Variants in MSRA observed in about 807,000 individuals in gnomAD.
The protein encoded by MSRA is methionine sulfoxide reductase A.
Under a neutral mutation model 31.3 loss-of-function variants are expected in MSRA, and 54 were observed. The observed-to-expected ratio is 1.73, with a 90% confidence interval of 1.39 to 2.17. MSRA has a LOEUF of 2.17. Among genes scored for constraint, MSRA ranks in the 30% most tolerant of loss-of-function variants. MSRA has a pLI of 0.00. For synonymous variants in MSRA, 169 were observed against 116.5 expected (o/e 1.45, Z -2.90); for missense variants, 507 against 300.9 (o/e 1.69, Z -5.07).
At chr8:10,199,633 G>C (rs978407060) in intron 1 of MSRA, among the ~76,000 whole-genome samples, 2 of 152,116 alleles carry the variant, frequency 1.3e-5, no homozygotes, top group African/African-American at 4.8e-5. Flanking sequence ...TGCCATCCTA[G>C]GCTTGTAGTC....
intron 5 of MSRA, among the ~76,000 whole-genome samples, chr8:10,330,460 G>A (rs773349868): frequency 1.3e-5 from 2 of 152,078 alleles, no homozygotes; most frequent in Non-Finnish European, 1.5e-5. Context: ...GGCTGAAAAT[G>A]GCTTTTTCTC....
rs149413576 is a variant in MSRA at position 10,141,430 on chromosome 8, G to A, written c.143-66403G>A. ...ACCAGAAAGGAAAACGCACTCCAAT[G>A]CACAAGACATACATTGTCACCCACA... On this transcript the variant is annotated intron_variant, in intron 1 of 5. Transcript: ENST00000317173. 1.8e-3 allele frequency among the ~76,000 whole-genome samples: 268 copies of A among 152,278 alleles called. 1 individual carries two copies. The highest frequency in any genetic ancestry group is 6.1e-3 in the African/African-American group (253 of 41,538).
intron 4 of MSRA, among the ~76,000 whole-genome samples, chr8:10,315,641 G>A (rs1324920019): frequency 1.3e-5 from 2 of 152,210 alleles, no homozygotes; most frequent in Non-Finnish European, 2.9e-5. Flanking sequence ...GTAAATGTGT[G>A]TGCACATGTG....
In MSRA at chr8:10,155,104, G is replaced by A. The variant is rs1221729697; in HGVS notation, c.143-52729G>A. On this transcript the variant is annotated intron_variant, in intron 1 of 5. Transcript: ENST00000317173. ...AATTTTTTATTGTAAGCTTGCCAGA[G>A]TCCTAGATTTAAAAAGTTATACTCA... 2.0e-5 allele frequency among the ~76,000 whole-genome samples: 3 copies of A among 151,502 alleles called. 1 individual carries two copies. The highest frequency in any genetic ancestry group is 6.6e-5 in the Admixed American group (1 of 15,216).
intron 1 of MSRA, among the ~76,000 whole-genome samples, chr8:10,207,340 A>C (rs1205179878): frequency 6.6e-6 from 1 of 152,180 alleles, no homozygotes; most frequent in Non-Finnish European, 1.5e-5. Context: ...TACTGTACTG[A>C]AATGACATGT....
chr8:10,104,986 G>A (rs1585155996), intron 1 of MSRA, among the ~76,000 whole-genome samples: 1 of 152,158 alleles, frequency 6.6e-6, no homozygotes, highest in Non-Finnish European at 1.5e-5. Context: ...AATCTCATGG[G>A]CAAGGAATAT....
intron 5 of MSRA, among the ~76,000 whole-genome samples, chr8:10,369,183 TTAAG>T (rs1369323047): frequency 1.3e-5 from 2 of 152,084 alleles, no homozygotes; most frequent in Non-Finnish European, 2.9e-5. Context: ...CAATATTATA[TTAAG>T]TATTAAAAAC....
intron 1 of MSRA, among the ~76,000 whole-genome samples, chr8:10,146,686 T>A (rs1803171981): frequency 6.6e-6 from 1 of 152,116 alleles, no homozygotes; most frequent in Admixed American, 6.5e-5. Flanking sequence ...GGTATGTGAA[T>A]TATATCTCAG....
intron 5 of MSRA, among the ~76,000 whole-genome samples, chr8:10,387,541 A>C (rs1219303102): frequency 6.6e-6 from 1 of 152,212 alleles, no homozygotes; most frequent in African/African-American, 2.4e-5. Context: ...TCTTAGGAGA[A>C]ATGAATGAGC....
chr8:10,285,595 C>T (rs115973448), intron 3 of MSRA, among the ~76,000 whole-genome samples: 7,684 of 151,908 alleles, frequency 0.051, 560 homozygotes, highest in African/African-American at 0.16. Context: ...AACTTATTCC[C>T]CCCATCTCAA....
At chr8:10,355,352 C>T (rs34417929) in intron 5 of MSRA, among the ~76,000 whole-genome samples, 9 of 152,140 alleles carry the variant, frequency 5.9e-5, no homozygotes, top group Middle Eastern at 3.2e-3. Flanking sequence ...GCTTTATCGC[C>T]GATAGATATG....
chr8:10,105,756 G>T (rs1015692496), intron 1 of MSRA, among the ~76,000 whole-genome samples: 1 of 152,202 alleles, frequency 6.6e-6, no homozygotes, highest in South Asian at 2.1e-4. Flanking sequence ...AGTGGATTGA[G>T]TTGTGGCTGA....
intron 5 of MSRA, among the ~76,000 whole-genome samples, chr8:10,377,455 G>C (rs1805819486): frequency 6.6e-6 from 1 of 152,244 alleles, no homozygotes; most frequent in Non-Finnish European, 1.5e-5. Flanking sequence ...GACTCTGCTA[G>C]AAGGCAGAGC....
intron 5 of MSRA, among the ~76,000 whole-genome samples, chr8:10,342,424 A>G (rs1052308896): frequency 1.3e-5 from 2 of 152,348 alleles, no homozygotes; most frequent in South Asian, 2.1e-4. Context: ...CCATGAGAGA[A>G]TAAGAGTGAA....
chr8:10,424,833 G>A (rs1054452567), intron 5 of MSRA, among the ~76,000 whole-genome samples: 17 of 152,236 alleles, frequency 1.1e-4, no homozygotes, highest in African/African-American at 3.9e-4. Context: ...CGCCAAGCCT[G>A]CAGGGCCCTG....
intron 1 of MSRA, among the ~76,000 whole-genome samples, chr8:10,166,810 AGC>A (rs1805170391): frequency 6.6e-6 from 1 of 152,130 alleles, no homozygotes; most frequent in South Asian, 2.1e-4. Context: ...CTCATCTGTC[AGC>A]AGAGCCCATG....
intron 3 of MSRA, among the ~76,000 whole-genome samples, chr8:10,285,183 C>T (rs115511190): frequency 0.013 from 1,943 of 152,308 alleles, 29 homozygotes; most frequent in African/African-American, 0.03. Flanking sequence ...AACCAAAACT[C>T]TGTGACCATT....
chr8:10,345,838 A>T (rs12114255), intron 5 of MSRA, among the ~76,000 whole-genome samples: 32,545 of 152,142 alleles, frequency 0.21, 3,615 homozygotes, highest in Middle Eastern at 0.24. Flanking sequence ...ACCTTTTAGG[A>T]GCAGCCTGCA....
At chr8:10,344,498 T>A (rs542719999) in intron 5 of MSRA, among the ~76,000 whole-genome samples, 103 of 135,078 alleles carry the variant, frequency 7.6e-4, no homozygotes, top group African/African-American at 2.3e-3. Flanking sequence ...CGCTTGAACC[T>A]GGGAGGCGGA....
Sources: gnomAD v4.1 joint callset for allele counts (sites outside exome capture counted in the v4.1 genomes callset) on GRCh38, gnomAD v4.1.1 for gene constraint, MANE v1.5 for transcripts, NCBI Gene and HGNC (gene_info 2026-07-23, HGNC 2026-07-21) for gene names.